Variants in EPHA6 observed in about 807,000 individuals in gnomAD.
The protein encoded by EPHA6 is EPH receptor A6, also known as ephrin type-A receptor 6.
EPHA6 carries 50 observed loss-of-function variants against 112.0 expected under a neutral mutation model. That is an observed-to-expected ratio of 0.45 (90% CI 0.36 to 0.56). EPHA6 has a LOEUF of 0.56. EPHA6 is among the 20% of genes least tolerant of loss of function. The probability of loss-of-function intolerance (pLI) is 0.00; values close to 1 mark genes in which losing one functional copy is unlikely to be tolerated. For missense variants in EPHA6, 1,280 were observed against 1,417.4 expected (o/e 0.90, Z 1.56); for synonymous variants, 529 against 490.7 (o/e 1.08, Z -1.03).
intron 14 of EPHA6, among the ~76,000 whole-genome samples, chr3:97,685,661 A>G (rs1012046247): frequency 2.6e-5 from 4 of 152,156 alleles, no homozygotes; most frequent in Non-Finnish European, 5.9e-5. Flanking sequence ...ATTTTCACCT[A>G]TATTTTGTCG....
chr3:97,623,707 T>C (rs1300864041), intron 13 of EPHA6, among the ~76,000 whole-genome samples: 1 of 151,698 alleles, frequency 6.6e-6, no homozygotes, highest in East Asian at 1.9e-4. Flanking sequence ...TGAGTGTTCA[T>C]GAGTTAATCA....
intron 11 of EPHA6, among the ~76,000 whole-genome samples, chr3:97,576,547 A>T (rs1234762421): frequency 2.0e-5 from 3 of 152,146 alleles, no homozygotes; most frequent in Admixed American, 2.0e-4. Flanking sequence ...TTTGTCCTTA[A>T]GTTGTCTCAA....
intron 14 of EPHA6, among the ~76,000 whole-genome samples, chr3:97,648,731 A>G (rs1351597632): frequency 2.6e-5 from 4 of 152,150 alleles, no homozygotes; most frequent in Non-Finnish European, 5.9e-5. Context: ...AAAAAAGATT[A>G]AAGGTTTCAA....
At chr3:96,825,264 G>T (rs1187305317) in intron 1 of EPHA6, among the ~76,000 whole-genome samples, 2 of 150,552 alleles carry the variant, frequency 1.3e-5, no homozygotes, top group African/African-American at 4.9e-5. Flanking sequence ...ATGTGACTTG[G>T]CTTTTTTTTT....
chr3:97,536,664 G>A (rs2092768754), intron 11 of EPHA6, among the ~76,000 whole-genome samples: 1 of 152,120 alleles, frequency 6.6e-6, no homozygotes, highest in African/African-American at 2.4e-5. Flanking sequence ...GTAGATTCAA[G>A]CCAGCCAAAT....
chr3:97,180,236 T>G (rs1162203737), intron 3 of EPHA6, among the ~76,000 whole-genome samples: 1 of 152,026 alleles, frequency 6.6e-6, no homozygotes, highest in Admixed American at 6.6e-5. Context: ...CAAGGTCTCT[T>G]GCTTGTCATG....
intron 3 of EPHA6, among the ~76,000 whole-genome samples, chr3:97,033,254 T>C (rs2044947423): frequency 2.0e-5 from 3 of 151,962 alleles, no homozygotes; most frequent in African/African-American, 7.2e-5. Context: ...ATCACAATGA[T>C]TGTAGTTAAA....
At chr3:96,878,687 G>C (rs2107500781) in intron 2 of EPHA6, among the ~76,000 whole-genome samples, 1 of 152,062 alleles carries the variant, frequency 6.6e-6, no homozygotes, top group East Asian at 1.9e-4. Flanking sequence ...TGTCTATCTA[G>C]ATATACAATC....
chr3:97,244,463 T>C (rs1004656290), intron 5 of EPHA6, 176 bp downstream of exon 5: 4 of 595,810 alleles, frequency 6.7e-6, no homozygotes, highest in Non-Finnish European at 1.2e-5. Context: ...GATATTTTTA[T>C]ATTACTTCTC....
At chr3:97,304,240 T>C (rs924535847) in intron 5 of EPHA6, among the ~76,000 whole-genome samples, 1 of 151,948 alleles carries the variant, frequency 6.6e-6, no homozygotes, top group Non-Finnish European at 1.5e-5. Context: ...TTTATCTCTT[T>C]ATCTTGCCTG....
In EPHA6 at chr3:97,295,515, CT is replaced by C. The variant is rs368004867; in HGVS notation, c.1606+51230del. Among the ~76,000 whole-genome samples the C allele has an allele frequency of 7.6e-4, 112 of 146,934 alleles. 1 individual carries two copies. The highest frequency in any genetic ancestry group is 2.7e-3 in the African/African-American group (110 of 40,240). On this transcript the variant is annotated intron_variant, in intron 5 of 17. Transcript: ENST00000389672. ...ATTTGTATTGTTTGTTTGTGTTTTT[CT>C]TGTATGTCACTGAGGTTTCTTAAAA...
intron 13 of EPHA6, among the ~76,000 whole-genome samples, chr3:97,633,431 T>C (rs73134930): frequency 3.9e-5 from 6 of 152,232 alleles, no homozygotes; most frequent in Non-Finnish European, 7.4e-5. Context: ...TCATAGTTTC[T>C]TTTAGATTAA....
intron 3 of EPHA6, among the ~76,000 whole-genome samples, chr3:97,169,376 C>T (rs1054600015): frequency 6.6e-6 from 1 of 152,160 alleles, no homozygotes; most frequent in Non-Finnish European, 1.5e-5. Flanking sequence ...ATCTGGAATA[C>T]ACATTCATTC....
At chr3:97,435,558 T>A (rs962808055) in intron 6 of EPHA6, among the ~76,000 whole-genome samples, 3 of 152,128 alleles carry the variant, frequency 2.0e-5, no homozygotes, top group Non-Finnish European at 4.4e-5. Flanking sequence ...CAGATGAAAT[T>A]ATCCAACTTT....
chr3:97,198,888 G>A (rs746539819), intron 3 of EPHA6, among the ~76,000 whole-genome samples: 1 of 152,064 alleles, frequency 6.6e-6, no homozygotes, highest in African/African-American at 2.4e-5. Flanking sequence ...ATATATAATT[G>A]CCTTCCATGA....
intron 6 of EPHA6, among the ~76,000 whole-genome samples, chr3:97,444,472 C>A (rs758053788): frequency 6.6e-6 from 1 of 152,110 alleles, no homozygotes; most frequent in Non-Finnish European, 1.5e-5. Flanking sequence ...CTAGGTAGAA[C>A]GTTGGTGATT....
chr3:97,120,201 T>C (rs2048002779), intron 3 of EPHA6, among the ~76,000 whole-genome samples: 2 of 152,130 alleles, frequency 1.3e-5, no homozygotes, highest in South Asian at 4.1e-4. Flanking sequence ...TCACTTCTTT[T>C]TAATTTCATA....
chr3:97,109,901 A>T (rs1265097736), intron 3 of EPHA6, among the ~76,000 whole-genome samples: 1 of 152,080 alleles, frequency 6.6e-6, no homozygotes, highest in Non-Finnish European at 1.5e-5. Flanking sequence ...AACAATTTCC[A>T]CCAAAATAAT....
chr3:97,022,046 A>G (rs530893916), intron 3 of EPHA6, among the ~76,000 whole-genome samples: 1 of 152,310 alleles, frequency 6.6e-6, no homozygotes, highest in Non-Finnish European at 1.5e-5. Flanking sequence ...TGCTTGACAC[A>G]TATAATGAAG....
Sources: allele counts gnomAD v4.1 joint callset (sites outside exome capture counted in the v4.1 genomes callset), GRCh38; gene constraint gnomAD v4.1.1; transcripts MANE v1.5; gene names NCBI Gene and HGNC (gene_info 2026-07-23, HGNC 2026-07-21).